ANO4: variants seen among roughly 807,000 people sequenced by gnomAD.
The protein encoded by ANO4 is anoctamin-4.
ANO4 carries 69 observed loss-of-function variants against 141.9 expected under a neutral mutation model. That is an observed-to-expected ratio of 0.49 (90% CI 0.40 to 0.59). ANO4 has a LOEUF of 0.59. Among genes scored for constraint, ANO4 ranks in the 20% least tolerant of loss-of-function variants. ANO4 has a pLI of 0.00. For missense variants in ANO4, 894 were observed against 1,162.2 expected (o/e 0.77, Z 3.36); for synonymous variants, 350 against 394.3 (o/e 0.89, Z 1.33).
chr12:100,738,027 G>A (rs752603263), intron 2 of ANO4, among the ~76,000 whole-genome samples: 1 of 152,138 alleles, frequency 6.6e-6, no homozygotes, highest in Non-Finnish European at 1.5e-5. Flanking sequence ...TGAGATACTC[G>A]ATTAGCTCCT....
At chr12:100,991,619 C>T (rs1201642675) in intron 8 of ANO4, among the ~76,000 whole-genome samples, 1 of 151,890 alleles carries the variant, frequency 6.6e-6, no homozygotes, top group African/African-American at 2.4e-5. Context: ...ACCTCCACCC[C>T]CAATTCTGGT....
chr12:100,816,849 G>C (rs1047547850), intron 1 of ANO4, among the ~76,000 whole-genome samples: 4 of 151,822 alleles, frequency 2.6e-5, no homozygotes, highest in Admixed American at 6.6e-5. Context: ...CTTTTCAATT[G>C]TAAGTTTCTT....
intron 8 of ANO4, among the ~76,000 whole-genome samples, chr12:100,988,662 A>C (rs912404304): frequency 6.8e-4 from 103 of 152,034 alleles, no homozygotes; most frequent in African/African-American, 2.0e-3. Context: ...CACGAGGTCA[A>C]GAGTTTGAGA....
At chr12:101,125,710 T>G (rs1420870399) in intron 26 of ANO4, among the ~76,000 whole-genome samples, 3 of 152,236 alleles carry the variant, frequency 2.0e-5, no homozygotes, top group Non-Finnish European at 4.4e-5. Context: ...GATTTGCATA[T>G]GTTGAACCAA....
In ANO4 at chr12:101,120,545, C is replaced by T; in HGVS notation, c.2596C>T (p.His866Tyr). The T allele has an allele frequency of 6.2e-7, 1 of 1,614,100 alleles. No individual in the cohort carries two copies. The change falls in exon 26 of 28, where the codon CAT becomes TAT. Residue 866 changes from histidine to tyrosine, a missense_variant. Physicochemically the swap from His to Tyr is moderately conservative, Grantham distance 83. Coordinates refer to ENST00000392977, the MANE Select transcript of ANO4 (RefSeq NM_001286615.2). ...ATACCGGGACTACCGTGACCCGCCT[C>T]ATTCACTGGTGCCCTATGGCTACAC... ...CRYRDYRDPP[H>Y]SLVPYGYTLQ...
intron 1 of ANO4, among the ~76,000 whole-genome samples, chr12:100,718,675 G>A (rs1425461623): frequency 6.6e-6 from 1 of 152,154 alleles, no homozygotes; most frequent in East Asian, 1.9e-4. Flanking sequence ...AACAAATTGT[G>A]AGCAGATTAC....
intron 9 of ANO4, among the ~76,000 whole-genome samples, chr12:101,036,497 A>G (rs1039150116): frequency 6.6e-6 from 1 of 152,202 alleles, no homozygotes; most frequent in Non-Finnish European, 1.5e-5. Flanking sequence ...ACATATATAC[A>G]ATGGAATATT....
chr12:101,037,091 T>C lies in ANO4; in HGVS notation c.842-4T>C. 1 of 1,613,924 alleles carries C rather than the reference T, an allele frequency of 6.2e-7. No individual in the cohort carries two copies. Among genetic ancestry groups the C allele is most frequent in the Non-Finnish European group, 8.5e-7 (1 of 1,179,832 alleles). On this transcript the variant is annotated splice_region_variant and splice_polypyrimidine_tract_variant and intron_variant, in intron 9 of 27. Coordinates refer to ENST00000392977, the MANE Select transcript of ANO4 (RefSeq NM_001286615.2). ...AATTCAAATGGACTTATTTGCTGTT[T>C]TAGGTCTGAATCGTTTGCTTACCAA...
chr12:100,788,885 G>A (rs1230571264), intron 3 of ANO4, among the ~76,000 whole-genome samples: 7 of 151,886 alleles, frequency 4.6e-5, no homozygotes, highest in Non-Finnish European at 7.4e-5. Flanking sequence ...AAAGAGTAAC[G>A]AGCTGGAAAA....
chr12:100,746,513 A>G (rs1013699279), intron 3 of ANO4, among the ~76,000 whole-genome samples: 5 of 152,166 alleles, frequency 3.3e-5, no homozygotes, highest in African/African-American at 4.8e-5. Flanking sequence ...TATGTATATA[A>G]AAATTCAAAA....
In ANO4 at chr12:100,995,904, G is replaced by A. The variant is rs573454445; in HGVS notation, c.734+8234G>A. Among the ~76,000 whole-genome samples the A allele has an allele frequency of 7.9e-5, 12 of 152,320 alleles. No homozygotes were observed. The South Asian group carries it at 2.5e-3, about 32-fold the overall frequency. The stretch of plus-strand genomic sequence containing the variant: ...AGAATTGGCATTGTTACCGCTGGGG[G>A]ACAGAGCCAGGGCTCTGGAGCCAGC... On this transcript the variant is annotated intron_variant, in intron 8 of 27. Coordinates refer to ENST00000392977, the MANE Select transcript of ANO4 (RefSeq NM_001286615.2).
At chr12:100,886,645 AG>A (rs2039844741) in intron 1 of ANO4, among the ~76,000 whole-genome samples, 1 of 152,168 alleles carries the variant, frequency 6.6e-6, no homozygotes, top group Non-Finnish European at 1.5e-5. Context: ...TACAGCCCAC[AG>A]GCCAAATCCA....
intron 3 of ANO4, among the ~76,000 whole-genome samples, chr12:100,933,350 A>G (rs1010357262): frequency 6.6e-6 from 1 of 152,032 alleles, no homozygotes; most frequent in East Asian, 1.9e-4. Context: ...GTTCCCACCT[A>G]TGAGTGAGAG....
rs11513868 is a variant in ANO4 at position 101,031,235 on chromosome 12, C to G, written c.842-5860C>G. ...AGCAGCACATCAAAAAGCTTAGCCACCACAATCAAGTCAGCTTCACACCTG... is the reference window on the plus strand; with the variant it reads ...AGCAGCACATCAAAAAGCTTAGCCAGCACAATCAAGTCAGCTTCACACCTG... On this transcript the variant is annotated intron_variant, in intron 9 of 27. Coordinates refer to ENST00000392977, the MANE Select transcript of ANO4 (RefSeq NM_001286615.2). Among the ~76,000 whole-genome samples, 634 of 152,256 alleles carry G rather than the reference C, an allele frequency of 4.2e-3. 5 individuals carry two copies. Among genetic ancestry groups the G allele is most frequent in the Non-Finnish European group, 5.1e-3 (345 of 68,030 alleles).
intron 1 of ANO4, among the ~76,000 whole-genome samples, chr12:100,802,622 A>AT (rs1253576262): frequency 6.6e-6 from 1 of 152,206 alleles, no homozygotes; most frequent in Non-Finnish European, 1.5e-5. Flanking sequence ...TCATTCATTC[A>AT]TTTATTCATT....
intron 19 of ANO4, 43 bp downstream of exon 19, chr12:101,096,690 A>G (rs1260783566): frequency 6.8e-7 from 1 of 1,467,144 alleles, no homozygotes; most frequent in Non-Finnish European, 9.5e-7. Flanking sequence ...CTGAGGACAG[A>G]ACACTTAGAA....
At chr12:100,853,756 A>T (rs1421237539) in intron 1 of ANO4, among the ~76,000 whole-genome samples, 1 of 152,160 alleles carries the variant, frequency 6.6e-6, no homozygotes, top group Non-Finnish European at 1.5e-5. Context: ...GTGTATATTT[A>T]TCAAAGGCTA....
intron 5 of ANO4, among the ~76,000 whole-genome samples, chr12:100,966,600 C>T (rs10860667): frequency 0.17 from 25,888 of 151,926 alleles, 2,666 homozygotes; most frequent in Middle Eastern, 0.32. Context: ...ACTCATTTGT[C>T]TAACTACCCA....
At chr12:100,997,428 T>C (rs767569782) in intron 8 of ANO4, among the ~76,000 whole-genome samples, 1 of 151,682 alleles carries the variant, frequency 6.6e-6, no homozygotes, top group Non-Finnish European at 1.5e-5. Context: ...TTCAACTGCC[T>C]TACCCTAGGG....
Sources: allele counts gnomAD v4.1 joint callset (sites outside exome capture counted in the v4.1 genomes callset), GRCh38; gene constraint gnomAD v4.1.1; transcripts MANE v1.5; gene names NCBI Gene and HGNC (gene_info 2026-07-23, HGNC 2026-07-21).